Variants in C1QTNF9 observed in about 807,000 individuals in gnomAD.
C1QTNF9 encodes C1q and TNF related 9.
A neutral mutation model predicts 10.1 loss-of-function variants in C1QTNF9; 6 were observed. That is an observed-to-expected ratio of 0.59 (90% CI 0.32 to 1.17). The LOEUF is 1.17. Among genes scored for constraint, C1QTNF9 ranks in the 50% most tolerant of loss-of-function variants. C1QTNF9 has a pLI of 0.04. For missense variants in C1QTNF9, 201 were observed against 418.8 expected (o/e 0.48, Z 4.54); for synonymous variants, 98 against 163.5 (o/e 0.60, Z 3.06).
intron 3 of C1QTNF9, among the ~76,000 whole-genome samples, chr13:24,320,407 C>T (rs1878207919): frequency 1.3e-5 from 2 of 152,114 alleles, no homozygotes; most frequent in South Asian, 2.1e-4. Context: ...TTTTTTGAGA[C>T]AGAATCTCAC....
chr13:24,312,327 T>G (rs1877858604), intron 1 of C1QTNF9, among the ~76,000 whole-genome samples: 1 of 151,990 alleles, frequency 6.6e-6, no homozygotes, highest in African/African-American at 2.4e-5. Context: ...AGGTGTGGTG[T>G]ACAGAGTAAG....
At chr13:24,315,618 C>T (rs1183705971) in intron 1 of C1QTNF9, 4 of 320,858 alleles carry the variant, frequency 1.2e-5, no homozygotes, top group African/African-American at 6.3e-5. Flanking sequence ...TTATGCATAT[C>T]GTGATAAAAT....
chr13:24,314,877 C>T (rs890528415), intron 1 of C1QTNF9, among the ~76,000 whole-genome samples: 2 of 150,648 alleles, frequency 1.3e-5, no homozygotes, highest in Admixed American at 6.6e-5. Flanking sequence ...CTTGAAAATG[C>T]ATTTCTCCCG....
chr13:24,318,968 A>C, intron 3 of C1QTNF9, 88 bp downstream of exon 3: 1 of 1,560,492 alleles, frequency 6.4e-7, no homozygotes. Context: ...TGCTGATTAT[A>C]ATCTTACAAT....
chr13:24,308,279 G>C (rs1877675890), upstream of C1QTNF9, among the ~76,000 whole-genome samples: 1 of 152,236 alleles, frequency 6.6e-6, no homozygotes, highest in African/African-American at 2.4e-5. Context: ...GGTGTCCCCA[G>C]CAGGAGGTCG....
intron 3 of C1QTNF9, among the ~76,000 whole-genome samples, chr13:24,319,617 C>T (rs539797648): frequency 2.6e-5 from 4 of 152,128 alleles, no homozygotes; most frequent in East Asian, 1.9e-4. Flanking sequence ...GTTTAGCTTG[C>T]GGGAGGGAGG....
upstream of C1QTNF9, among the ~76,000 whole-genome samples, chr13:24,309,242 A>G (rs1443502673): frequency 6.8e-6 from 1 of 146,084 alleles, no homozygotes; most frequent in African/African-American, 2.6e-5. Flanking sequence ...CATATGTAAC[A>G]AACCTGCACG....
chr13:24,316,503 C>A (rs542873210), intron 2 of C1QTNF9, among the ~76,000 whole-genome samples: 21 of 152,328 alleles, frequency 1.4e-4, no homozygotes, highest in African/African-American at 4.6e-4. Flanking sequence ...ATCCTCCCAT[C>A]TCAGGTGACA....
At chr13:24,315,368 CAT>C (rs760806938) in intron 1 of C1QTNF9, among the ~76,000 whole-genome samples, 137 of 152,360 alleles carry the variant, frequency 9.0e-4, no homozygotes, top group African/African-American at 2.9e-3. Flanking sequence ...CATGTTGTAA[CAT>C]GTGTCAGAAT....
rs1193864489 is a variant in C1QTNF9, at chr13:24,321,688, G to A, written c.922G>A (p.Gly308Arg). ...TGAGGTGTGGCTGCAGGTGACAGGA[G>A]GAGAGAGGTTCAATGGCTTGTTTGC... is the stretch of plus-strand genomic sequence containing the variant. Residue 308 changes from glycine (G) to arginine (R), a missense_variant, in exon 4 of 4, where the codon GGA becomes AGA. By Grantham distance (125) the Gly-to-Arg change is moderately radical (BLOSUM62 -2). This residue lies in a region of C1QTNF9 where 86 missense variants were observed against 87.0 expected (regional missense o/e 0.99). Transcript: ENST00000332018. 6.2e-7 allele frequency: 1 copy of A among 1,613,592 alleles called. No individual in the cohort carries two copies. Among genetic ancestry groups the A allele is most frequent in the South Asian group, 1.1e-5 (1 of 90,996 alleles).
chr13:24,321,147 G>C, exon 4 of C1QTNF9: 4 of 1,339,316 alleles, frequency 3.0e-6, no homozygotes, highest in Non-Finnish European at 4.0e-6. Flanking sequence ...AGGGGAATAA[G>C]GGTGACGTGG....
chr13:24,312,781 C>A (rs1877881825), intron 1 of C1QTNF9, among the ~76,000 whole-genome samples: 1 of 151,572 alleles, frequency 6.6e-6, no homozygotes, highest in African/African-American at 2.4e-5. Flanking sequence ...ATGGTGAAAC[C>A]CCGTCTCTAC....
chr13:24,312,181 C>G (rs1156679954), intron 1 of C1QTNF9, among the ~76,000 whole-genome samples: 1 of 152,218 alleles, frequency 6.6e-6, no homozygotes, highest in Non-Finnish European at 1.5e-5. Context: ...CAGTTGGAAC[C>G]AGGATAGTAT....
intron 2 of C1QTNF9, among the ~76,000 whole-genome samples, chr13:24,318,585 C>A (rs9580937): frequency 2.0e-5 from 3 of 151,302 alleles, no homozygotes; most frequent in Admixed American, 6.6e-5. Flanking sequence ...TAGAGATGGG[C>A]GCTTGGGAAG....
chr13:24,315,954 C>T, intron 1 of C1QTNF9, 28 bp from the exon 2 acceptor site: 1 of 1,611,416 alleles, frequency 6.2e-7, no homozygotes, highest in East Asian at 2.2e-5. Context: ...AAAGATTTCT[C>T]CTTTGGGTTT....
chr13:24,318,780 A>G lies in C1QTNF9; in HGVS notation c.167-38A>G, dbSNP rs188339290. 257 of 1,613,194 alleles carry G rather than the reference A, an allele frequency of 1.6e-4. No homozygotes were observed. In the African/African-American group the frequency reaches 3.0e-3, roughly 19 times the overall value. ...CAATGGCCAGAAAAATCAGAAATGG[A>G]ATTTCAACTCATGCCTGTTTTCTGC... is the stretch of plus-strand genomic sequence containing the variant. On this transcript the variant is annotated intron_variant, in intron 2 of 3. Coordinates refer to ENST00000332018, the Ensembl canonical transcript of C1QTNF9.
chr13:24,315,953 T>C (rs761303185), intron 1 of C1QTNF9, 29 bp from the exon 2 acceptor site: 17 of 1,610,700 alleles, frequency 1.1e-5, no homozygotes, highest in Admixed American at 1.7e-5. Context: ...CAAAGATTTC[T>C]CCTTTGGGTT....
intron 3 of C1QTNF9, among the ~76,000 whole-genome samples, 154 bp from the exon 4 acceptor site, chr13:24,320,842 C>T (rs1878225818): frequency 6.6e-6 from 1 of 151,608 alleles, no homozygotes; most frequent in Non-Finnish European, 1.5e-5. Context: ...TGAGCCACTG[C>T]ACCCAGATGG....
At chr13:24,308,280 C>A (rs966665985), upstream of C1QTNF9, among the ~76,000 whole-genome samples, 4 of 152,232 alleles carry the variant, frequency 2.6e-5, no homozygotes, top group African/African-American at 9.6e-5. Flanking sequence ...GTGTCCCCAG[C>A]AGGAGGTCGG....
Sources: gnomAD v4.1 joint callset for allele counts (sites outside exome capture counted in the v4.1 genomes callset) on GRCh38, gnomAD v4.1.1 for gene constraint, gnomAD v4.1.1 regional missense constraint, MANE v1.5 for transcripts, NCBI Gene and HGNC (gene_info 2026-07-23, HGNC 2026-07-21) for gene names.